The following FRAS1 variants were observed in gnomAD, a reference collection of about 807,000 sequenced individuals.
FRAS1 encodes the protein extracellular matrix organizing protein FRAS1.
FRAS1 carries 290 observed loss-of-function variants against 435.2 expected under a neutral mutation model. That is an observed-to-expected ratio of 0.67 (90% CI 0.61 to 0.73). The LOEUF (loss-of-function observed/expected upper bound fraction) is 0.73, where lower values mean the gene tolerates loss of function less well. Among genes scored for constraint, FRAS1 ranks in the 30% least tolerant of loss-of-function variants. FRAS1 has a pLI of 0.00. For missense variants in FRAS1, 4,860 were observed against 5,001.5 expected (o/e 0.97, Z 0.85); for synonymous variants, 1,800 against 1,851.0 (o/e 0.97, Z 0.71).
At chr4:78,368,042 A>C (rs950415328) in intron 22 of FRAS1, among the ~76,000 whole-genome samples, 2 of 152,098 alleles carry the variant, frequency 1.3e-5, no homozygotes, top group African/African-American at 4.8e-5. Flanking sequence ...ATCCACTTAC[A>C]ACTAGTAGGT....
At chr4:78,416,291 G>T (rs980404410) in intron 32 of FRAS1, among the ~76,000 whole-genome samples, 2 of 152,118 alleles carry the variant, frequency 1.3e-5, no homozygotes, top group Non-Finnish European at 2.9e-5. Flanking sequence ...GGTAGAGTGC[G>T]TGATGTGATG....
chr4:78,200,086 G>A (rs1379449618), intron 2 of FRAS1, among the ~76,000 whole-genome samples: 5 of 152,194 alleles, frequency 3.3e-5, no homozygotes, highest in African/African-American at 1.2e-4. Flanking sequence ...CACCCTAACT[G>A]CCTGCTCATT....
chr4:78,098,555 G>A (rs1008444685), intron 2 of FRAS1, among the ~76,000 whole-genome samples: 4 of 152,202 alleles, frequency 2.6e-5, no homozygotes, highest in South Asian at 2.1e-4. Flanking sequence ...GATTACAGGC[G>A]TGAACCACCG....
intron 2 of FRAS1, among the ~76,000 whole-genome samples, chr4:78,224,990 G>A (rs1306287704): frequency 6.6e-6 from 1 of 152,156 alleles, no homozygotes; most frequent in Non-Finnish European, 1.5e-5. Context: ...TGCATGCAAA[G>A]GAAGAAATCC....
chr4:78,163,385 T>C (rs559018695), intron 2 of FRAS1, among the ~76,000 whole-genome samples: 46 of 152,320 alleles, frequency 3.0e-4, no homozygotes, highest in African/African-American at 1.1e-3. Context: ...AAAAAAATCC[T>C]CTGTTTTAAT....
intron 2 of FRAS1, among the ~76,000 whole-genome samples, chr4:78,188,838 G>A (rs1260806990): frequency 6.6e-6 from 1 of 152,136 alleles, no homozygotes; most frequent in Non-Finnish European, 1.5e-5. Context: ...TAGACAGTTG[G>A]CATTACTCTG....
intron 31 of FRAS1, among the ~76,000 whole-genome samples, chr4:78,409,106 G>A (rs1160464433): frequency 3.1e-5 from 4 of 130,864 alleles, no homozygotes; most frequent in African/African-American, 8.9e-5. Context: ...ATGACAGAGC[G>A]AGACCCTCTC....
chr4:78,248,464 A>G (rs972061051), intron 4 of FRAS1, among the ~76,000 whole-genome samples: 1 of 152,140 alleles, frequency 6.6e-6, no homozygotes, highest in African/African-American at 2.4e-5. Context: ...TGGGGCTTGA[A>G]GGTTTACTGA....
At chr4:78,531,157 T>C (rs1721699551) in intron 70 of FRAS1, among the ~76,000 whole-genome samples, 1 of 152,224 alleles carries the variant, frequency 6.6e-6, no homozygotes, top group South Asian at 2.1e-4. Context: ...TACTGTTGTA[T>C]AGGAATGCTT....
intron 15 of FRAS1, among the ~76,000 whole-genome samples, chr4:78,311,136 G>A (rs1729002881): frequency 1.3e-5 from 2 of 152,018 alleles, no homozygotes; most frequent in South Asian, 4.2e-4. Flanking sequence ...ATAAATCAGA[G>A]GTTTCTGTTA....
At chr4:78,247,899 A>T (rs1477569736) in intron 4 of FRAS1, among the ~76,000 whole-genome samples, 1 of 152,142 alleles carries the variant, frequency 6.6e-6, no homozygotes, top group Non-Finnish European at 1.5e-5. Flanking sequence ...GATTTAGGAT[A>T]GATTCGGTGT....
chr4:78,118,153 T>C (rs1474899239), intron 2 of FRAS1, among the ~76,000 whole-genome samples: 1 of 152,188 alleles, frequency 6.6e-6, no homozygotes, highest in African/African-American at 2.4e-5. Flanking sequence ...CAGATATTGG[T>C]GAACAGCAAA....
intron 9 of FRAS1, among the ~76,000 whole-genome samples, chr4:78,270,958 G>T (rs1190253904): frequency 1.3e-5 from 2 of 151,990 alleles, no homozygotes; most frequent in African/African-American, 2.4e-5. Context: ...GTATTTTTGT[G>T]TTTCCTCTAA....
At position 78,317,357 on chromosome 4, in the gene FRAS1, C is replaced by A; in HGVS notation, c.1820-11C>A. On this transcript the variant is annotated splice_polypyrimidine_tract_variant and intron_variant, in intron 16 of 73. Transcript: ENST00000512123. ...GTCCCATGGCGTTCTCCCTCTCACT[C>A]TCTTCCTCAGTTTGTCATAACTCAT... 2 of 1,613,754 alleles carry A rather than the reference C, an allele frequency of 1.2e-6. No homozygotes were observed. The highest frequency in any genetic ancestry group is 1.7e-6 in the Non-Finnish European group (2 of 1,179,776).
intron 47 of FRAS1, among the ~76,000 whole-genome samples, chr4:78,454,207 G>A: frequency 6.6e-6 from 1 of 151,902 alleles, no homozygotes; most frequent in Non-Finnish European, 1.5e-5. Flanking sequence ...CAGACAGAGG[G>A]ATCAGCAAAC....
At chr4:78,086,144 T>C (rs999693706) in intron 2 of FRAS1, among the ~76,000 whole-genome samples, 13 of 152,126 alleles carry the variant, frequency 8.5e-5, no homozygotes, top group Non-Finnish European at 1.5e-5. Context: ...CTCAACTACA[T>C]GGAAACTGAA....
Position 78,521,519 on chromosome 4 carries a change from C to T in FRAS1, c.10541-4C>T. 1 of 1,603,744 alleles carries T rather than the reference C, an allele frequency of 6.2e-7. No individual in the cohort carries two copies. Among genetic ancestry groups the T allele is most frequent in the Non-Finnish European group, 8.5e-7 (1 of 1,173,778 alleles). ...TAGCATTTTCTCTCTGCTTTCCTGC[C>T]CAGGAATCCAGACAGACAGCGTGCT... is the stretch of plus-strand genomic sequence containing the variant. On this transcript the variant is annotated splice_polypyrimidine_tract_variant and splice_region_variant and intron_variant, in intron 67 of 73. Transcript: ENST00000512123.
chr4:78,079,249 A>G (rs753012750), intron 2 of FRAS1, among the ~76,000 whole-genome samples: 1 of 145,014 alleles, frequency 6.9e-6, no homozygotes, highest in African/African-American at 2.9e-5. Flanking sequence ...TTTTGTCAAC[A>G]AGAGAGAGAG....
intron 70 of FRAS1, among the ~76,000 whole-genome samples, chr4:78,534,025 C>T (rs955136181): frequency 2.0e-5 from 3 of 152,058 alleles, no homozygotes; most frequent in South Asian, 2.1e-4. Context: ...AAGAGAGTAT[C>T]GCCTAGCAAG....
Sources: gnomAD v4.1 joint callset for allele counts (sites outside exome capture counted in the v4.1 genomes callset) on GRCh38, gnomAD v4.1.1 for gene constraint, MANE v1.5 for transcripts, NCBI Gene and HGNC (gene_info 2026-07-23, HGNC 2026-07-21) for gene names.